The following RUNDC3B variants were observed in gnomAD, a reference collection of about 807,000 sequenced individuals.
RUNDC3B encodes RUN domain-containing protein 3B.
RUNDC3B carries 33 observed loss-of-function variants against 58.4 expected under a neutral mutation model. The observed-to-expected ratio is 0.56, with a 90% CI of 0.43 to 0.75. The LOEUF (loss-of-function observed/expected upper bound fraction) is 0.75, where lower values mean the gene tolerates loss of function less well. Among genes scored for constraint, RUNDC3B ranks in the 30% least tolerant of loss-of-function variants. The probability of loss-of-function intolerance (pLI) is 0.00; values close to 1 mark genes in which losing one functional copy is unlikely to be tolerated. For missense variants in RUNDC3B, 501 were observed against 535.7 expected, an observed-to-expected ratio of 0.94 and a Z score of 0.64; for synonymous variants, 193 against 195.2, an observed-to-expected ratio of 0.99 and a Z score of 0.10.
intron 9 of RUNDC3B, among the ~76,000 whole-genome samples, chr7:87,810,514 G>A (rs1836657981): frequency 6.6e-6 from 1 of 152,158 alleles, no homozygotes; most frequent in Non-Finnish European, 1.5e-5. Context: ...ACTCAGAGTA[G>A]GGGGACAGCC....
chr7:87,784,593 T>C (rs74536602), intron 8 of RUNDC3B, among the ~76,000 whole-genome samples: 16,064 of 152,108 alleles, frequency 0.11, 1,113 homozygotes, highest in Admixed American at 0.21. Flanking sequence ...CAGGCTGTGA[T>C]GCAGTAGATG....
intron 2 of RUNDC3B, among the ~76,000 whole-genome samples, chr7:87,666,561 C>T (rs1378254067): frequency 2.6e-5 from 4 of 152,066 alleles, no homozygotes; most frequent in Non-Finnish European, 5.9e-5. Context: ...GAAATCTCTG[C>T]CCATTCCTAT....
chr7:87,755,012 T>A (rs1833284025), intron 6 of RUNDC3B, among the ~76,000 whole-genome samples: 1 of 143,356 alleles, frequency 7.0e-6, no homozygotes, highest in Non-Finnish European at 1.5e-5. Context: ...ATACAAGGAA[T>A]AGCTGATACA....
chr7:87,805,693 T>C (rs1836400203), intron 8 of RUNDC3B, among the ~76,000 whole-genome samples: 1 of 152,230 alleles, frequency 6.6e-6, no homozygotes, highest in Non-Finnish European at 1.5e-5. Flanking sequence ...ATTACTATTA[T>C]TAACTGTGTT....
intron 8 of RUNDC3B, among the ~76,000 whole-genome samples, chr7:87,784,862 A>T (rs1043699252): frequency 2.6e-5 from 4 of 151,864 alleles, no homozygotes; most frequent in Admixed American, 1.3e-4. Flanking sequence ...CTTAGCCCTA[A>T]GGGGGACTCT....
intron 9 of RUNDC3B, among the ~76,000 whole-genome samples, chr7:87,815,081 C>A (rs1836956991): frequency 1.3e-5 from 2 of 151,908 alleles, no homozygotes; most frequent in South Asian, 2.1e-4. Context: ...AAAGTAAATT[C>A]TTTCCCCCCC....
intron 10 of RUNDC3B, among the ~76,000 whole-genome samples, chr7:87,826,231 G>C (rs1837798178): frequency 6.6e-6 from 1 of 152,080 alleles, no homozygotes; most frequent in African/African-American, 2.4e-5. Context: ...TACGGGGGCA[G>C]ATCTTTAGTG....
At chr7:87,638,155 T>TA (rs1388372348) in intron 1 of RUNDC3B, among the ~76,000 whole-genome samples, 1 of 152,108 alleles carries the variant, frequency 6.6e-6, no homozygotes, top group Non-Finnish European at 1.5e-5. Context: ...CACTCTGGAA[T>TA]AAAAAAACAA....
intron 4 of RUNDC3B, among the ~76,000 whole-genome samples, chr7:87,738,689 G>A (rs1372974027): frequency 6.6e-6 from 1 of 151,938 alleles, no homozygotes; most frequent in Non-Finnish European, 1.5e-5. Context: ...ACATGAGCTT[G>A]TGCAAATTGT....
At chr7:87,820,204 A>T (rs976900928) in intron 10 of RUNDC3B, among the ~76,000 whole-genome samples, 6 of 152,194 alleles carry the variant, frequency 3.9e-5, no homozygotes, top group Non-Finnish European at 5.9e-5. Flanking sequence ...GATAAAGGGG[A>T]TATCACCACC....
chr7:87,777,772 A>C, intron 7 of RUNDC3B, 26 bp from the exon 8 acceptor site: 7 of 1,609,160 alleles, frequency 4.4e-6, no homozygotes, highest in Non-Finnish European at 5.9e-6. Flanking sequence ...TGCAGTTTCT[A>C]TATCTTGATG....
At chr7:87,685,073 CAA>C (rs552057859) in intron 2 of RUNDC3B, among the ~76,000 whole-genome samples, 2 of 151,496 alleles carry the variant, frequency 1.3e-5, no homozygotes, top group Non-Finnish European at 1.5e-5. Flanking sequence ...ATCCATTAAA[CAA>C]AAAAAATTGA....
intron 7 of RUNDC3B, among the ~76,000 whole-genome samples, chr7:87,776,233 A>G (rs1227889035): frequency 1.3e-5 from 2 of 152,124 alleles, no homozygotes; most frequent in African/African-American, 4.8e-5. Flanking sequence ...TTGGATGTGC[A>G]TACCAGGAGA....
At chr7:87,793,011 A>G (rs993730124) in intron 8 of RUNDC3B, among the ~76,000 whole-genome samples, 6 of 152,060 alleles carry the variant, frequency 3.9e-5, no homozygotes, top group Admixed American at 1.3e-4. Context: ...TAAAAAGAGA[A>G]GACATTACAA....
chr7:87,675,653 C>CAAAAAAAAA (rs200136132), intron 2 of RUNDC3B, among the ~76,000 whole-genome samples: 1 of 65,846 alleles, frequency 1.5e-5, no homozygotes, highest in African/African-American at 5.8e-5. Flanking sequence ...TATTCACATG[C>CAAAAAAAAA]AAAAAAAAAA....
chr7:87,672,049 T>C (rs1328634054), intron 2 of RUNDC3B, among the ~76,000 whole-genome samples: 2 of 152,138 alleles, frequency 1.3e-5, no homozygotes, highest in Non-Finnish European at 2.9e-5. Flanking sequence ...GCCCCTGGTC[T>C]GCTCAGACTC....
At chr7:87,650,191 A>AATT (rs1314612454) in intron 1 of RUNDC3B, among the ~76,000 whole-genome samples, 2 of 152,168 alleles carry the variant, frequency 1.3e-5, no homozygotes, top group Non-Finnish European at 2.9e-5. Flanking sequence ...GAGTTAATTT[A>AATT]GTTAGGTCAC....
intron 6 of RUNDC3B, among the ~76,000 whole-genome samples, chr7:87,749,771 A>G (rs2130828344): frequency 6.6e-6 from 1 of 152,176 alleles, no homozygotes; most frequent in Non-Finnish European, 1.5e-5. Flanking sequence ...TCCTTATCTT[A>G]CCTTCAAGAA....
chr7:87,823,409 T>C (rs187501672), intron 10 of RUNDC3B, among the ~76,000 whole-genome samples: 118 of 148,944 alleles, frequency 7.9e-4, no homozygotes, highest in African/African-American at 2.8e-3. Context: ...ATTTTTTATT[T>C]TTATTTTTTT....
Sources: gnomAD v4.1 joint callset for allele counts (sites outside exome capture counted in the v4.1 genomes callset) on GRCh38, gnomAD v4.1.1 for gene constraint, MANE v1.5 for transcripts, NCBI Gene and HGNC (gene_info 2026-07-23, HGNC 2026-07-21) for gene names.